CADM2: variants seen among roughly 807,000 people sequenced by gnomAD.
The protein encoded by CADM2 is cell adhesion molecule 2.
CADM2 carries 12 observed loss-of-function variants against 49.8 expected under a neutral mutation model. The ratio of observed to expected loss-of-function variants is 0.24; its 90% CI spans 0.15 to 0.39. The LOEUF (loss-of-function observed/expected upper bound fraction) is 0.39. Ranked by LOEUF, CADM2 falls within the 10% of genes least tolerant of loss-of-function variation. CADM2 has a pLI of 1.00. For missense variants in CADM2, 378 were observed against 492.3 expected, an observed-to-expected ratio of 0.77 and a Z score of 2.20; for synonymous variants, 214 against 175.4, an observed-to-expected ratio of 1.22 and a Z score of -1.74.
chr3:85,450,179 G>A (rs1265872291), intron 1 of CADM2, among the ~76,000 whole-genome samples: 1 of 151,994 alleles, frequency 6.6e-6, no homozygotes, highest in Non-Finnish European at 1.5e-5. Flanking sequence ...TTTGGACAGC[G>A]TTATTTAAGG....
chr3:85,926,185 A>T (rs1719844725), intron 6 of CADM2, among the ~76,000 whole-genome samples: 1 of 148,082 alleles, frequency 6.8e-6, no homozygotes, highest in South Asian at 2.1e-4. Context: ...AATAGAAAAT[A>T]GATAATAAAG....
intron 3 of CADM2, among the ~76,000 whole-genome samples, chr3:85,830,173 C>T (rs552743297): frequency 1.8e-4 from 28 of 152,026 alleles, no homozygotes; most frequent in African/African-American, 5.8e-4. Context: ...CACACGCTCG[C>T]CAACACTTGT....
chr3:85,606,168 CT>C (rs931757469), intron 1 of CADM2, among the ~76,000 whole-genome samples: 2 of 152,060 alleles, frequency 1.3e-5, no homozygotes, highest in Non-Finnish European at 2.9e-5. Context: ...TTATTAATCC[CT>C]ACTTTATATA....
intron 2 of CADM2, among the ~76,000 whole-genome samples, chr3:85,753,701 C>G (rs922255307): frequency 6.6e-6 from 1 of 152,034 alleles, no homozygotes; most frequent in South Asian, 2.1e-4. Context: ...CAGGTGAGTA[C>G]AAAGCGTGCA....
intron 1 of CADM2, among the ~76,000 whole-genome samples, chr3:85,540,726 G>A (rs949824966): frequency 9.2e-5 from 14 of 152,112 alleles, no homozygotes; most frequent in African/African-American, 3.1e-4. Flanking sequence ...ATCTACTAGG[G>A]TTCCCATAAG....
intron 5 of CADM2, among the ~76,000 whole-genome samples, chr3:85,892,660 T>C (rs913698334): frequency 2.0e-5 from 3 of 152,194 alleles, no homozygotes; most frequent in African/African-American, 7.2e-5. Context: ...TGTGGAATTG[T>C]GAGTCCATTA....
At chr3:85,564,136 A>C (rs2062181906) in intron 1 of CADM2, among the ~76,000 whole-genome samples, 1 of 151,748 alleles carries the variant, frequency 6.6e-6, no homozygotes, top group Admixed American at 6.6e-5. Flanking sequence ...TATGAGAAAA[A>C]TTTTGCAAGT....
chr3:85,540,737 A>G (rs2061518756), intron 1 of CADM2, among the ~76,000 whole-genome samples: 2 of 152,180 alleles, frequency 1.3e-5, no homozygotes, highest in Admixed American at 1.3e-4. Flanking sequence ...TTCCCATAAG[A>G]AAATACCACA....
intron 3 of CADM2, among the ~76,000 whole-genome samples, chr3:85,828,300 A>G (rs549354469): frequency 6.6e-6 from 1 of 152,110 alleles, no homozygotes; most frequent in East Asian, 1.9e-4. Flanking sequence ...TTGTACTTAT[A>G]TATGGCTCAT....
At chr3:85,846,270 ATACT>A (rs148921963) in intron 3 of CADM2, among the ~76,000 whole-genome samples, 2,515 of 152,300 alleles carry the variant, frequency 0.017, 66 homozygotes, top group African/African-American at 0.058. Flanking sequence ...CTATTTCTAA[ATACT>A]TAATTTAGAA....
intron 1 of CADM2, among the ~76,000 whole-genome samples, chr3:85,478,862 T>C (rs2039090660): frequency 6.6e-6 from 1 of 151,996 alleles, no homozygotes; most frequent in South Asian, 2.1e-4. Context: ...CAATGTGGCA[T>C]GCTGTATGCT....
At chr3:85,061,705 T>A (rs556022783) in intron 1 of CADM2, among the ~76,000 whole-genome samples, 6 of 152,252 alleles carry the variant, frequency 3.9e-5, no homozygotes, top group African/African-American at 1.2e-4. Flanking sequence ...TCCTAGTACA[T>A]CTTAGACACA....
At chr3:85,201,321 C>A in intron 1 of CADM2, among the ~76,000 whole-genome samples, 1 of 152,220 alleles carries the variant, frequency 6.6e-6, no homozygotes, top group Admixed American at 6.5e-5. Context: ...TGTAGTCTAT[C>A]AAGTATGTGA....
At chr3:85,247,579 A>G (rs2042678868) in intron 1 of CADM2, among the ~76,000 whole-genome samples, 1 of 152,178 alleles carries the variant, frequency 6.6e-6, no homozygotes, top group Admixed American at 6.6e-5. Flanking sequence ...ATATATTTCT[A>G]TAAATGATTA....
At chr3:85,871,901 G>A (rs967764951) in intron 3 of CADM2, among the ~76,000 whole-genome samples, 4 of 152,124 alleles carry the variant, frequency 2.6e-5, no homozygotes, top group African/African-American at 7.2e-5. Context: ...ATATTTGCAT[G>A]GTGGTGTGGC....
chr3:85,038,140 T>A (rs1004348925), intron 1 of CADM2, among the ~76,000 whole-genome samples: 3 of 152,114 alleles, frequency 2.0e-5, no homozygotes, highest in Non-Finnish European at 4.4e-5. Flanking sequence ...TCCTCTAAAT[T>A]TTTGAAAATT....
At chr3:85,128,927 C>T (rs991215670) in intron 1 of CADM2, among the ~76,000 whole-genome samples, 1 of 152,166 alleles carries the variant, frequency 6.6e-6, no homozygotes, top group East Asian at 1.9e-4. Context: ...TTTGTCACAA[C>T]ACACACATCA....
At chr3:85,384,598 G>A (rs886517574) in intron 1 of CADM2, among the ~76,000 whole-genome samples, 27 of 152,048 alleles carry the variant, frequency 1.8e-4, no homozygotes, top group African/African-American at 6.3e-4. Flanking sequence ...ACAGGCGTCA[G>A]CCACCGCGCC....
At chr3:85,308,555 G>T (rs979455152) in intron 1 of CADM2, among the ~76,000 whole-genome samples, 2 of 151,836 alleles carry the variant, frequency 1.3e-5, no homozygotes, top group African/African-American at 4.8e-5. Flanking sequence ...TTGATTCATC[G>T]TTAAATTCTA....
Sources: allele counts gnomAD v4.1 joint callset (sites outside exome capture counted in the v4.1 genomes callset), GRCh38; gene constraint gnomAD v4.1.1; transcripts MANE v1.5; gene names NCBI Gene and HGNC (gene_info 2026-07-23, HGNC 2026-07-21).